AASDH: variants seen among roughly 807,000 people sequenced by gnomAD.
AASDH encodes beta-alanine-activating enzyme.
In AASDH, 81 loss-of-function variants were observed where a neutral mutation model predicts 102.3. The ratio of observed to expected loss-of-function variants is 0.79; its 90% CI spans 0.66 to 0.95. The LOEUF is 0.95. AASDH is among the 40% of genes least tolerant of loss of function. AASDH has a pLI of 0.00. For missense variants in AASDH, 1,203 were observed against 1,266.2 expected, an observed-to-expected ratio of 0.95 and a Z score of 0.76; for synonymous variants, 398 against 454.0, an observed-to-expected ratio of 0.88 and a Z score of 1.57.
chr4:56,355,199 A>G lies in AASDH; in HGVS notation c.1086T>C (p.Thr362=). ...ACCCTTACTTGAGAGTAGAGTTAAG[A>G]GTCTTCTCTGGAATCCTATAAATGG... The part of the protein sequence containing the change: ...WATIYRIPEK[T]LNSTLKCELP... Residue 362 remains threonine (T), a synonymous_variant, in exon 6 of 15, where the codon ACT becomes ACC. Transcript: ENST00000205214. The G allele has an allele frequency of 6.2e-7, 1 of 1,613,920 alleles. No individual in the cohort carries two copies. The highest frequency in any genetic ancestry group is 8.5e-7 in the Non-Finnish European group (1 of 1,179,928).
Position 56,354,771 on chromosome 4 carries a change from T to C in AASDH, c.1144A>G (p.Thr382Ala). 6.2e-7 allele frequency: 1 copy of C among 1,611,326 alleles called. No homozygotes were observed. ...TTAGTATCTCTGACTTCAACTACTGTTCCAAGAAGTGGAAATCCCAGTTGT... is the reference window on the plus strand; with the variant it reads ...TTAGTATCTCTGACTTCAACTACTGCTCCAAGAAGTGGAAATCCCAGTTGT... ...PVQLGFPLLG[T>A]VVEVRDTNGF... The change falls in exon 7 of 15, where the codon ACA becomes GCA. Residue 382 changes from threonine (T) to alanine (A), a missense_variant. Thr to Ala is a moderately conservative substitution (Grantham distance 58). Transcript: ENST00000205214.
intron 3 of AASDH, among the ~76,000 whole-genome samples, chr4:56,379,009 G>A (rs922940665): frequency 1.3e-5 from 2 of 151,410 alleles, no homozygotes; most frequent in African/African-American, 4.9e-5. Context: ...TCAGCCTCCC[G>A]AGTAGCTGGG....
rs748060518 is a variant in AASDH at position 56,349,389 on chromosome 4, C to T, written c.2362G>A (p.Gly788Ser). ...GCCTTCATTCTATGAGAATGGGAACCAATGTACACAGTTGTAGATGACTTA... is the reference window on the plus strand; with the variant it reads ...GCCTTCATTCTATGAGAATGGGAACTAATGTACACAGTTGTAGATGACTTA... Reference protein sequence around the residue: ...FDKSSTTVYIGSHSHRMKAVD... With the variant: ...FDKSSTTVYISSHSHRMKAVD... The change falls in exon 11 of 15, where the codon GGT becomes AGT. Residue 788 changes from glycine (G) to serine (S), a missense_variant. By Grantham distance (56) the Gly-to-Ser change is moderately conservative. Transcript: ENST00000205214. The T allele has an allele frequency of 6.2e-7, 1 of 1,614,092 alleles. No homozygotes were observed. The highest frequency in any genetic ancestry group is 1.7e-5 in the Admixed American group (1 of 59,994).
Position 56,338,397 on chromosome 4 carries a change from T to TTTGA in AASDH, c.*1_*4dup, listed in dbSNP as rs750123666. 6.8e-6 allele frequency: 11 copies of TTTGA among 1,611,704 alleles called. No homozygotes were observed. The highest frequency in any genetic ancestry group is 1.7e-5 in the Admixed American group (1 of 59,830). ...ATTTGTTATACAAATAAGGACTGTA[T>TTTGA]TTGATTATTTTTGATTGCCACCCAA... On this transcript the variant is annotated 3_prime_UTR_variant, in exon 15 of 15. Transcript: ENST00000205214.
chr4:56,361,807 C>T (rs1468127990), intron 5 of AASDH, among the ~76,000 whole-genome samples: 3 of 151,966 alleles, frequency 2.0e-5, no homozygotes, highest in Non-Finnish European at 4.4e-5. Flanking sequence ...CCTGTCTCTA[C>T]AAAAGATTTT....
Position 56,349,677 on chromosome 4 carries a change from A to G in AASDH, c.2074T>C (p.Ser692Pro), listed in dbSNP as rs764796462. The G allele has an allele frequency of 3.1e-6, 5 of 1,614,110 alleles. No homozygotes were observed. The East Asian group carries it at 1.1e-4, about 36-fold the overall frequency. The stretch of plus-strand genomic sequence containing the variant: ...CCTAACTTTGTTAAAAACCTAGTGG[A>G]ATTCAGAGACAAAATTTGACTCCCT... Reference protein sequence around the residue: ...SRGSQILSLNSTRFLTKLGHC... With the variant: ...SRGSQILSLNPTRFLTKLGHC... Residue 692 changes from serine to proline, a missense_variant, in exon 11 of 15, where the codon TCC becomes CCC. Transcript: ENST00000205214.
In AASDH at chr4:56,371,450, C is replaced by T; in HGVS notation, c.861+1G>A. 1 of 1,590,344 alleles carries T rather than the reference C, an allele frequency of 6.3e-7. No individual in the cohort carries two copies. The highest frequency in any genetic ancestry group is 8.5e-7 in the Non-Finnish European group (1 of 1,174,276). On this transcript the variant is annotated splice_donor_variant, in intron 5 of 14. Transcript: ENST00000205214. LOFTEE classifies it high-confidence loss of function. Reference sequence around the variant, plus strand: ...AAACGTTCATTGCTACTAAAATGTACCTGCAAAACAGTCACTCTATGATGG... The same window carrying T: ...AAACGTTCATTGCTACTAAAATGTATCTGCAAAACAGTCACTCTATGATGG...
In AASDH at chr4:56,378,278, C is replaced by G. The variant is rs749668434; in HGVS notation, c.538G>C (p.Ala180Pro). The change falls in exon 4 of 15, where the codon GCA becomes CCA. Residue 180 changes from alanine to proline, a missense_variant. Ala to Pro is a conservative substitution (Grantham distance 27). Transcript: ENST00000205214. ...AGCCTCAGATCCATGTGTTCTTCTG[C>G]TTTTTCTTCATTGACATGCTCAGAA... is the stretch of plus-strand genomic sequence containing the variant. ...ISSEHVNEEKAEEHMDLRLKH... is the reference protein window; with the variant it reads ...ISSEHVNEEKPEEHMDLRLKH... 2.5e-6 allele frequency: 4 copies of G among 1,614,158 alleles called. No individual in the cohort carries two copies. In the South Asian group the frequency reaches 4.4e-5, roughly 18 times the overall value.
intron 5 of AASDH, among the ~76,000 whole-genome samples, chr4:56,363,462 G>A (rs1263255462): frequency 1.3e-5 from 2 of 152,226 alleles, no homozygotes; most frequent in African/African-American, 4.8e-5. Flanking sequence ...GCCTAACTGG[G>A]AGGCACCCCC....
chr4:56,339,806 TC>T (rs1172449862), intron 14 of AASDH, among the ~76,000 whole-genome samples: 1 of 134,646 alleles, frequency 7.4e-6, no homozygotes, highest in Non-Finnish European at 1.6e-5. Flanking sequence ...AAACTATGTA[TC>T]TTCTTTTCCA....
At chr4:56,372,628 T>A (rs1015266073) in intron 4 of AASDH, among the ~76,000 whole-genome samples, 1 of 152,206 alleles carries the variant, frequency 6.6e-6, no homozygotes, top group African/African-American at 2.4e-5. Flanking sequence ...ATAAACATTT[T>A]AAAAATTATA....
chr4:56,369,538 T>C (rs1751445851), intron 5 of AASDH, among the ~76,000 whole-genome samples: 1 of 152,128 alleles, frequency 6.6e-6, no homozygotes, highest in Admixed American at 6.6e-5. Flanking sequence ...CTTAAAGAAG[T>C]TCAAAGTATC....
rs1286557737 is a variant in AASDH, at chr4:56,349,492, C to T, written c.2259G>A (p.Met753Ile). The change falls in exon 11 of 15, where the codon ATG becomes ATA. Residue 753 changes from methionine (M) to isoleucine (I), a missense_variant. By Grantham distance (10) the Met-to-Ile change is conservative. Transcript: ENST00000205214. ...EGKPAIGTQK[M>I]ELHVRWRSDT... ...CTGACCTCCACCTCACATGTAACTC[C>T]ATTTTCTGAGTCCCTATCGCAGGTT... 25 of 1,614,064 alleles carry T rather than the reference C, an allele frequency of 1.5e-5. No individual in the cohort carries two copies. Among genetic ancestry groups the T allele is most frequent in the Non-Finnish European group, 2.0e-5 (24 of 1,180,034 alleles).
At chr4:56,343,033 CA>C in intron 13 of AASDH, 67 bp from the exon 14 acceptor site, 2 of 1,371,998 alleles carry the variant, frequency 1.5e-6, no homozygotes. Context: ...CTTTAAAAAA[CA>C]AACTCATACA....
chr4:56,362,521 T>A (rs542093717), intron 5 of AASDH, among the ~76,000 whole-genome samples: 1 of 152,282 alleles, frequency 6.6e-6, no homozygotes, highest in South Asian at 2.1e-4. Flanking sequence ...CACTTTGGCC[T>A]CTCAAAGTGC....
chr4:56,361,001 T>C (rs986163644), intron 5 of AASDH, among the ~76,000 whole-genome samples: 1 of 152,242 alleles, frequency 6.6e-6, no homozygotes, highest in Non-Finnish European at 1.5e-5. Flanking sequence ...AAAATGGTCC[T>C]GGCTCTTCAT....
chr4:56,377,630 G>T lies in AASDH; in HGVS notation c.668+518C>A, dbSNP rs1389624907. Among the ~76,000 whole-genome samples, 7 of 152,196 alleles carry T rather than the reference G, an allele frequency of 4.6e-5. No individual in the cohort carries two copies. In the East Asian group the frequency reaches 1.4e-3, roughly 29 times the overall value. On this transcript the variant is annotated intron_variant, in intron 4 of 14. Coordinates refer to ENST00000205214, the MANE Select transcript of AASDH (RefSeq NM_181806.4). ...TAATCATATCATTTGTTTGTTCCGTGTCTGGCCCTAGGCTTGGATGAAACA... is the reference window on the plus strand; with the variant it reads ...TAATCATATCATTTGTTTGTTCCGTTTCTGGCCCTAGGCTTGGATGAAACA...
At chr4:56,341,389 C>CT (rs575687659) in intron 14 of AASDH, among the ~76,000 whole-genome samples, 16,376 of 91,842 alleles carry the variant, frequency 0.18, 2,453 homozygotes, top group Admixed American at 0.22. Flanking sequence ...AGACTTTTAT[C>CT]TTTTTTTTTT....
chr4:56,346,359 G>A (rs1198990627), intron 11 of AASDH, among the ~76,000 whole-genome samples: 7 of 152,118 alleles, frequency 4.6e-5, no homozygotes. Context: ...AAAGAGAAAT[G>A]TCCTACATAG....
Sources: gnomAD v4.1 joint callset for allele counts (sites outside exome capture counted in the v4.1 genomes callset) on GRCh38, gnomAD v4.1.1 for gene constraint, MANE v1.5 for transcripts, NCBI Gene and HGNC (gene_info 2026-07-23, HGNC 2026-07-21) for gene names.